The following KLHL29 variants were observed in gnomAD, a reference collection of about 807,000 sequenced individuals.
The protein encoded by KLHL29 is kelch-like protein 29.
Under a neutral mutation model 80.4 loss-of-function variants are expected in KLHL29, and 21 were observed. That is an observed-to-expected ratio of 0.26 (90% CI 0.19 to 0.38). The LOEUF is 0.38. KLHL29 is among the 10% of genes least tolerant of loss of function. The pLI, the probability that KLHL29 is intolerant of heterozygous loss-of-function variation, is 1.00. For synonymous variants in KLHL29, 511 were observed against 526.8 expected, an observed-to-expected ratio of 0.97 and a Z score of 0.41; for missense variants, 867 against 1,223.9, an observed-to-expected ratio of 0.71 and a Z score of 4.35.
At chr2:23,673,372 C>T (rs1216804234) in intron 5 of KLHL29, among the ~76,000 whole-genome samples, 2 of 151,162 alleles carry the variant, frequency 1.3e-5, no homozygotes, top group Non-Finnish European at 3.0e-5. Flanking sequence ...ACACAGGGTG[C>T]ATGCACACGT....
intron 1 of KLHL29, among the ~76,000 whole-genome samples, chr2:23,394,664 A>G (rs1165386095): frequency 6.6e-6 from 1 of 152,266 alleles, no homozygotes; most frequent in Non-Finnish European, 1.5e-5. Context: ...ATGTTTAGCC[A>G]CATTGCTCAC....
At chr2:23,563,451 G>A (rs1484495365) in intron 3 of KLHL29, among the ~76,000 whole-genome samples, 2 of 152,228 alleles carry the variant, frequency 1.3e-5, no homozygotes. Context: ...GCCCCCTTGG[G>A]GCAGTGTCCG....
intron 3 of KLHL29, among the ~76,000 whole-genome samples, chr2:23,588,132 T>C (rs1668164510): frequency 6.6e-6 from 1 of 152,142 alleles, no homozygotes; most frequent in South Asian, 2.1e-4. Flanking sequence ...GCCCTGTGAG[T>C]AGCCTGACAA....
chr2:23,453,898 G>A (rs915449299), intron 1 of KLHL29, among the ~76,000 whole-genome samples: 1 of 152,060 alleles, frequency 6.6e-6, no homozygotes, highest in African/African-American at 2.4e-5. Flanking sequence ...CTTTAAAAAT[G>A]GGGAGGAGGT....
At chr2:23,404,179 C>G (rs376500881) in intron 1 of KLHL29, among the ~76,000 whole-genome samples, 1 of 152,062 alleles carries the variant, frequency 6.6e-6, no homozygotes, top group South Asian at 2.1e-4. Flanking sequence ...GCTCATCTTA[C>G]ATAATTTTAT....
intron 2 of KLHL29, among the ~76,000 whole-genome samples, chr2:23,522,214 T>A (rs1666127028): frequency 6.6e-6 from 1 of 152,032 alleles, no homozygotes; most frequent in African/African-American, 2.4e-5. Context: ...AGTGGCATGA[T>A]CTTGGCTCAT....
At chr2:23,485,357 C>T (rs753866009) in intron 2 of KLHL29, among the ~76,000 whole-genome samples, 3 of 152,238 alleles carry the variant, frequency 2.0e-5, no homozygotes, top group Non-Finnish European at 4.4e-5. Context: ...TCTAAAGTGG[C>T]TCCTTTAACC....
intron 2 of KLHL29, among the ~76,000 whole-genome samples, chr2:23,501,374 T>C (rs1665430889): frequency 6.6e-6 from 1 of 152,024 alleles, no homozygotes; most frequent in South Asian, 2.1e-4. Context: ...GGAAAGAGGC[T>C]ATACAGGTGC....
At chr2:23,537,366 G>A (rs1175144930) in intron 2 of KLHL29, among the ~76,000 whole-genome samples, 2 of 126,858 alleles carry the variant, frequency 1.6e-5, no homozygotes, top group East Asian at 2.2e-4. Context: ...TAGGAAGGAC[G>A]AGTAACTTCT....
At chr2:23,548,306 CACACACACACAGACACAAGCACACAG>C (rs1394596140) in intron 2 of KLHL29, among the ~76,000 whole-genome samples, 2 of 151,290 alleles carry the variant, frequency 1.3e-5, no homozygotes, top group African/African-American at 2.4e-5. Flanking sequence ...CACACAGGCA[CACACACACACAGACACAAGCACACAG>C]ACACACACAC....
intron 1 of KLHL29, among the ~76,000 whole-genome samples, chr2:23,391,596 C>T (rs1306805452): frequency 1.3e-5 from 2 of 152,054 alleles, no homozygotes; most frequent in Non-Finnish European, 2.9e-5. Context: ...CCACTATACC[C>T]GGCTGATTTT....
chr2:23,504,674 C>T (rs750158561), intron 2 of KLHL29, among the ~76,000 whole-genome samples: 15 of 152,246 alleles, frequency 9.9e-5, no homozygotes, highest in Non-Finnish European at 1.6e-4. Context: ...GAAAAAGAAG[C>T]TGGAGCAAGG....
chr2:23,665,366 C>T (rs1457613373), intron 5 of KLHL29, among the ~76,000 whole-genome samples: 1 of 152,148 alleles, frequency 6.6e-6, no homozygotes, highest in African/African-American at 2.4e-5. Context: ...CAGAATCATA[C>T]CTGAACTGAC....
chr2:23,454,315 C>T (rs1663977910), intron 1 of KLHL29, among the ~76,000 whole-genome samples: 2 of 151,216 alleles, frequency 1.3e-5, no homozygotes, highest in Non-Finnish European at 2.9e-5. Context: ...CGTCCTGTGT[C>T]CCATTCCAGT....
At chr2:23,541,731 G>A (rs1666839690) in intron 2 of KLHL29, among the ~76,000 whole-genome samples, 1 of 147,644 alleles carries the variant, frequency 6.8e-6, no homozygotes, top group African/African-American at 2.6e-5. Flanking sequence ...ATCGAAAACA[G>A]GATTTTTTAA....
chr2:23,400,040 C>T (rs1438144), intron 1 of KLHL29, among the ~76,000 whole-genome samples: 6,370 of 152,288 alleles, frequency 0.042, 165 homozygotes, highest in Middle Eastern at 0.1. Flanking sequence ...GGGAGTGTCC[C>T]GGCAGAGTGA....
intron 1 of KLHL29, among the ~76,000 whole-genome samples, chr2:23,409,403 C>A (rs1455075750): frequency 6.6e-6 from 1 of 152,162 alleles, no homozygotes; most frequent in Non-Finnish European, 1.5e-5. Flanking sequence ...GGCGGAATCT[C>A]CCCACATCCC....
chr2:23,620,672 C>T (rs1424541492), intron 3 of KLHL29, among the ~76,000 whole-genome samples: 2 of 152,096 alleles, frequency 1.3e-5, no homozygotes, highest in East Asian at 1.9e-4. Flanking sequence ...GTGGAAGCGT[C>T]GAGTGGGCTT....
rs1667322031 is a variant in KLHL29, at chr2:23,557,282, G to A, written c.-45-4870G>A. On this transcript the variant is annotated intron_variant, in intron 2 of 13. Transcript: ENST00000486442. ...TCGGTGCCCAGCAGAAAATATTTAA[G>A]TTGCCACCTTTGGTCCTTTAACTGT... Among the ~76,000 whole-genome samples the A allele has an allele frequency of 3.3e-5, 5 of 152,284 alleles. No homozygotes were observed. The South Asian group carries it at 1.0e-3, about 32-fold the overall frequency.
Sources: allele counts gnomAD v4.1 joint callset (sites outside exome capture counted in the v4.1 genomes callset), GRCh38; gene constraint gnomAD v4.1.1; transcripts MANE v1.5; gene names NCBI Gene and HGNC (gene_info 2026-07-23, HGNC 2026-07-21).